Variants in DOCK3 observed in about 807,000 individuals in gnomAD.
The protein encoded by DOCK3 is dedicator of cytokinesis protein 3.
DOCK3 carries 60 observed loss-of-function variants against 265.6 expected under a neutral mutation model. That is an observed-to-expected ratio of 0.23 (90% CI 0.18 to 0.28). DOCK3 has a LOEUF of 0.28. DOCK3 is among the 10% of genes least tolerant of loss of function. The pLI is 1.00. For synonymous variants in DOCK3, 881 were observed against 938.0 expected (o/e 0.94, Z 1.11); for missense variants, 1,981 against 2,594.3 (o/e 0.76, Z 5.14).
At chr3:51,169,554 AAG>A (rs906444792) in intron 12 of DOCK3, among the ~76,000 whole-genome samples, 4 of 152,088 alleles carry the variant, frequency 2.6e-5, no homozygotes, top group African/African-American at 9.7e-5. Context: ...CATGGACACA[AAG>A]AGGGGAACAG....
intron 39 of DOCK3, 78 bp from the exon 40 acceptor site, chr3:51,350,210 T>C (rs1375018282): frequency 8.0e-7 from 1 of 1,250,192 alleles, no homozygotes; most frequent in African/African-American, 1.5e-5. Context: ...CAGAAGACAG[T>C]GTCCAGTTGG....
At chr3:50,846,884 G>T (rs946091894) in intron 3 of DOCK3, among the ~76,000 whole-genome samples, 1 of 152,042 alleles carries the variant, frequency 6.6e-6, no homozygotes, top group Non-Finnish European at 1.5e-5. Context: ...ATTTCTGATT[G>T]TACATATTTG....
intron 4 of DOCK3, chr3:50,901,513 G>A (rs1288199404): frequency 1.5e-5 from 6 of 410,158 alleles, no homozygotes; most frequent in South Asian, 5.7e-5. Flanking sequence ...AGGCACCACC[G>A]GAGTGTGAAA....
Position 51,341,315 on chromosome 3 carries a change from C to T in DOCK3, c.3845C>T (p.Pro1282Leu). 1 of 1,613,470 alleles carries T rather than the reference C, an allele frequency of 6.2e-7. No homozygotes were observed. The highest frequency in any genetic ancestry group is 8.5e-7 in the Non-Finnish European group (1 of 1,179,624). The change falls in exon 38 of 53, where the codon CCA becomes CTA. Residue 1282 changes from proline (P) to leucine (L), a missense_variant. Coordinates refer to ENST00000266037, the MANE Select transcript of DOCK3 (RefSeq NM_004947.5). ...CCACTACGGGAATTCCTCCACTACC[C>T]ATCGCAGACAGAGTGGCAGCGGAAG... ...DRPLREFLHYPSQTEWQRKEG... is the reference protein window; with the variant it reads ...DRPLREFLHYLSQTEWQRKEG...
At position 50,970,889 on chromosome 3, in the gene DOCK3, TTTTATATATATATATATATATATATA is replaced by T. The variant is rs1274209048; in HGVS notation, c.315+36814_315+36839del. ...GCACATACTACCACACTCATCTAAT[TTTTATATATATATATATATATATATA>T]TATATATATATATATATATATATAT... On this transcript the variant is annotated intron_variant, in intron 5 of 52. Transcript: ENST00000266037. Among the ~76,000 whole-genome samples, 219 of 42,932 alleles carry T rather than the reference TTTTATATATATATATATATATATATA, an allele frequency of 5.1e-3. 7 individuals are homozygous for T. Among genetic ancestry groups the T allele is most frequent in the African/African-American group, 8.7e-3 (84 of 9,632 alleles). 28.2% of individuals were successfully genotyped at this position (42,932 alleles called of 152,430 possible).
At chr3:51,320,295 T>TC (rs1048452380) in intron 32 of DOCK3, among the ~76,000 whole-genome samples, 2 of 152,146 alleles carry the variant, frequency 1.3e-5, no homozygotes, top group South Asian at 2.1e-4. Context: ...TACTGCACTT[T>TC]CCCCATGGTC....
chr3:51,159,125 T>C lies in DOCK3; in HGVS notation c.829-119T>C, dbSNP rs922599397. ...TATAAACCATTAAAGTGCTATATGC[T>C]GTAATCTCCCTTCCCCTGCCTATAA... On this transcript the variant is annotated intron_variant, in intron 10 of 52. Coordinates refer to ENST00000266037, the MANE Select transcript of DOCK3 (RefSeq NM_004947.5). 7.1e-6 allele frequency: 6 copies of C among 841,036 alleles called. No homozygotes were observed. The African/African-American group carries it at 8.4e-5, about 12-fold the overall frequency. The allele number at this position is 841,036 out of a possible 1,614,324, so 52.1% of individuals were successfully genotyped here. A position where few individuals can be genotyped will look rare whatever the true frequency, so the allele number is the denominator to read the frequency against.
At chr3:50,703,434 G>A (rs1195964747) in intron 1 of DOCK3, among the ~76,000 whole-genome samples, 1 of 152,076 alleles carries the variant, frequency 6.6e-6, no homozygotes, top group Non-Finnish European at 1.5e-5. Context: ...TCATAAGTTT[G>A]GTAGAATTTA....
intron 2 of DOCK3, among the ~76,000 whole-genome samples, chr3:50,785,790 A>C (rs1049398064): frequency 6.6e-6 from 1 of 152,000 alleles, no homozygotes; most frequent in Non-Finnish European, 1.5e-5. Flanking sequence ...GTTATGTCCT[A>C]TCCTGGTTTT....
chr3:50,937,003 G>A (rs904901497), intron 5 of DOCK3, among the ~76,000 whole-genome samples: 5 of 152,164 alleles, frequency 3.3e-5, no homozygotes, highest in African/African-American at 1.2e-4. Context: ...TTGGCTGGGT[G>A]TGGTGGCTCA....
rs556083633 is a variant in DOCK3 at position 50,837,548 on chromosome 3, C to T, written c.122-4127C>T. Among the ~76,000 whole-genome samples the T allele has an allele frequency of 9.2e-5, 14 of 152,278 alleles. 1 individual carries two copies. The South Asian group carries it at 2.9e-3, about 32-fold the overall frequency. On this transcript the variant is annotated intron_variant, in intron 2 of 52. Transcript: ENST00000266037. ...ACCGCCCCCAGATTCAGTTACCTCCCACTGGGTCCCTCCCTCAGCATGTGG... is the reference window on the plus strand; with the variant it reads ...ACCGCCCCCAGATTCAGTTACCTCCTACTGGGTCCCTCCCTCAGCATGTGG...
chr3:50,725,813 C>T (rs555423838), intron 1 of DOCK3, among the ~76,000 whole-genome samples: 4 of 152,186 alleles, frequency 2.6e-5, no homozygotes, highest in Admixed American at 2.6e-4. Context: ...TTTGTTTTGT[C>T]CCTCCTCAGA....
At chr3:51,286,197 GA>G (rs1260142432) in intron 27 of DOCK3, among the ~76,000 whole-genome samples, 1 of 152,066 alleles carries the variant, frequency 6.6e-6, no homozygotes, top group Non-Finnish European at 1.5e-5. Flanking sequence ...GCCAAATTAA[GA>G]ACGTAATTCC....
intron 2 of DOCK3, among the ~76,000 whole-genome samples, chr3:50,816,028 C>T (rs1208881709): frequency 6.6e-6 from 1 of 151,870 alleles, no homozygotes; most frequent in Non-Finnish European, 1.5e-5. Context: ...TCAGGAAAAA[C>T]TGGTTTTTTT....
intron 9 of DOCK3, among the ~76,000 whole-genome samples, chr3:51,117,465 G>C (rs903812775): frequency 6.6e-6 from 1 of 152,140 alleles, no homozygotes; most frequent in Non-Finnish European, 1.5e-5. Flanking sequence ...GTATAAGGGT[G>C]ATGCTGGCCT....
At chr3:50,979,904 G>A (rs766796816) in intron 5 of DOCK3, among the ~76,000 whole-genome samples, 3 of 152,140 alleles carry the variant, frequency 2.0e-5, no homozygotes, top group Non-Finnish European at 2.9e-5. Flanking sequence ...TCTACAAAGA[G>A]AGACAACTTG....
intron 5 of DOCK3, among the ~76,000 whole-genome samples, chr3:50,950,596 A>G (rs34481683): frequency 0.094 from 14,349 of 152,034 alleles, 837 homozygotes; most frequent in Non-Finnish European, 0.12. Flanking sequence ...ACCCATACCT[A>G]GCTTCAGTGC....
intron 2 of DOCK3, among the ~76,000 whole-genome samples, chr3:50,803,294 T>G (rs2043168620): frequency 6.6e-6 from 1 of 152,138 alleles, no homozygotes. Flanking sequence ...GCATGCTGCC[T>G]TCAAGCATCT....
intron 5 of DOCK3, among the ~76,000 whole-genome samples, chr3:50,965,626 T>G (rs1199168009): frequency 2.0e-5 from 3 of 152,058 alleles, no homozygotes; most frequent in African/African-American, 7.2e-5. Context: ...CTGTAATATA[T>G]CTATCAAATA....
Sources: allele counts gnomAD v4.1 joint callset (sites outside exome capture counted in the v4.1 genomes callset), GRCh38; gene constraint gnomAD v4.1.1; transcripts MANE v1.5; gene names NCBI Gene and HGNC (gene_info 2026-07-23, HGNC 2026-07-21).